Variants in TRAF3 observed in about 807,000 individuals in gnomAD.
TRAF3 encodes the protein TNF receptor-associated factor 3.
TRAF3 carries 13 observed loss-of-function variants against 62.3 expected under a neutral mutation model. That is an observed-to-expected ratio of 0.21 (90% CI 0.14 to 0.33). The LOEUF (loss-of-function observed/expected upper bound fraction) is 0.33, where lower values mean the gene tolerates loss of function less well. Ranked by LOEUF, TRAF3 falls within the 10% of genes least tolerant of loss-of-function variation. The pLI is 1.00. For missense variants in TRAF3, 440 were observed against 741.8 expected (o/e 0.59, Z 4.73); for synonymous variants, 269 against 283.4 (o/e 0.95, Z 0.51).
chr14:102,835,182 C>T (rs1483239945), intron 2 of TRAF3, among the ~76,000 whole-genome samples: 1 of 152,114 alleles, frequency 6.6e-6, no homozygotes, highest in Non-Finnish European at 1.5e-5. Context: ...TAGAGAAATG[C>T]AAATCAAAAC....
At chr14:102,804,220 A>G (rs951527383) in intron 1 of TRAF3, among the ~76,000 whole-genome samples, 2 of 152,026 alleles carry the variant, frequency 1.3e-5, no homozygotes, top group Non-Finnish European at 2.9e-5. Context: ...CAGAGGAGTC[A>G]TATGATTGAC....
intron 2 of TRAF3, among the ~76,000 whole-genome samples, chr14:102,857,111 A>G (rs7151954): frequency 0.29 from 44,387 of 152,100 alleles, 7,380 homozygotes; most frequent in African/African-American, 0.43. Context: ...AACCAAACTG[A>G]TACATCGGGT....
chr14:102,814,106 G>A (rs1163077191), intron 1 of TRAF3, among the ~76,000 whole-genome samples: 2 of 152,164 alleles, frequency 1.3e-5, no homozygotes, highest in African/African-American at 2.4e-5. Context: ...TGGAGGTCTA[G>A]TTTCTATTTT....
intron 6 of TRAF3, among the ~76,000 whole-genome samples, chr14:102,878,868 C>T (rs537795899): frequency 6.6e-6 from 1 of 151,902 alleles, no homozygotes; most frequent in South Asian, 2.1e-4. Flanking sequence ...GGCCCCGGGG[C>T]AAGGCCTGGT....
chr14:102,797,312 G>A (rs1275562083), intron 1 of TRAF3, among the ~76,000 whole-genome samples: 2 of 152,272 alleles, frequency 1.3e-5, no homozygotes, highest in South Asian at 2.1e-4. Flanking sequence ...TCTGAGAGGC[G>A]TCTTCATAGA....
intron 8 of TRAF3, among the ~76,000 whole-genome samples, chr14:102,890,581 A>G (rs561065926): frequency 1.3e-5 from 2 of 152,322 alleles, no homozygotes; most frequent in South Asian, 2.1e-4. Flanking sequence ...TGAATATTCT[A>G]TGTACAGAGT....
At chr14:102,853,906 A>G (rs1437241780) in intron 2 of TRAF3, among the ~76,000 whole-genome samples, 1 of 151,562 alleles carries the variant, frequency 6.6e-6, no homozygotes, top group East Asian at 1.9e-4. Context: ...TCATCACCCC[A>G]AAAAGAAACC....
At chr14:102,848,149 G>T (rs1251930842) in intron 2 of TRAF3, among the ~76,000 whole-genome samples, 1 of 152,190 alleles carries the variant, frequency 6.6e-6, no homozygotes, top group Non-Finnish European at 1.5e-5. Flanking sequence ...GAGTTTGAAA[G>T]AAAAGAAATT....
chr14:102,877,199 G>T (rs1402818416), intron 6 of TRAF3, among the ~76,000 whole-genome samples: 2 of 144,406 alleles, frequency 1.4e-5, no homozygotes, highest in Non-Finnish European at 3.0e-5. Flanking sequence ...CAGGCCTTCC[G>T]CTCAGCTCAT....
chr14:102,882,424 A>G (rs1039239979), intron 6 of TRAF3, among the ~76,000 whole-genome samples: 14 of 152,174 alleles, frequency 9.2e-5, no homozygotes, highest in Admixed American at 9.2e-4. Context: ...GGGTCCTGCC[A>G]GTGCATCTGC....
intron 1 of TRAF3, among the ~76,000 whole-genome samples, chr14:102,809,345 G>A (rs1898978270): frequency 6.6e-6 from 1 of 151,822 alleles, no homozygotes; most frequent in South Asian, 2.1e-4. Flanking sequence ...GGCCAGGCTG[G>A]TCTGAAACTC....
intron 2 of TRAF3, among the ~76,000 whole-genome samples, chr14:102,859,915 A>G (rs2139774848): frequency 6.6e-6 from 1 of 152,362 alleles, no homozygotes; most frequent in East Asian, 1.9e-4. Flanking sequence ...GGAAGGCAAG[A>G]CAGAGCCCCA....
intron 2 of TRAF3, among the ~76,000 whole-genome samples, chr14:102,850,802 A>C (rs1416491307): frequency 6.6e-6 from 1 of 151,156 alleles, no homozygotes; most frequent in African/African-American, 2.4e-5. Context: ...CATAGGTGCC[A>C]TTTTTTAGTC....
At chr14:102,790,869 T>G (rs925719850) in intron 1 of TRAF3, among the ~76,000 whole-genome samples, 2 of 152,278 alleles carry the variant, frequency 1.3e-5, no homozygotes, top group South Asian at 4.1e-4. Context: ...GTTGCAACTT[T>G]ATATGAATTT....
At chr14:102,804,568 G>A (rs1366034674) in intron 1 of TRAF3, among the ~76,000 whole-genome samples, 1 of 152,094 alleles carries the variant, frequency 6.6e-6, no homozygotes, top group Non-Finnish European at 1.5e-5. Context: ...GCTCACAGGA[G>A]CATCAACCTC....
At chr14:102,899,413 C>G (rs568020193) in intron 10 of TRAF3, among the ~76,000 whole-genome samples, 7 of 152,168 alleles carry the variant, frequency 4.6e-5, no homozygotes, top group Non-Finnish European at 8.8e-5. Flanking sequence ...TCCTCAGAGC[C>G]CTTCCTGTTG....
intron 2 of TRAF3, among the ~76,000 whole-genome samples, chr14:102,846,678 C>A (rs1329183519): frequency 1.4e-5 from 2 of 147,332 alleles, no homozygotes; most frequent in Non-Finnish European, 3.0e-5. Flanking sequence ...TTTCCGGACA[C>A]GGTGGCATCC....
intron 9 of TRAF3, 30 bp from the exon 10 acceptor site, chr14:102,897,231 G>T (rs1172582662): frequency 6.3e-7 from 1 of 1,594,472 alleles, no homozygotes; most frequent in Non-Finnish European, 8.6e-7. Flanking sequence ...ACCACTTTTG[G>T]TTACATTAAT....
intron 1 of TRAF3, among the ~76,000 whole-genome samples, chr14:102,784,919 CCTT>C: frequency 6.6e-6 from 1 of 152,088 alleles, no homozygotes; most frequent in Non-Finnish European, 1.5e-5. Flanking sequence ...CTGTGGCTGT[CCTT>C]CAGGGGAGAG....
Sources: gnomAD v4.1 joint callset for allele counts (sites outside exome capture counted in the v4.1 genomes callset) on GRCh38, gnomAD v4.1.1 for gene constraint, MANE v1.5 for transcripts, NCBI Gene and HGNC (gene_info 2026-07-23, HGNC 2026-07-21) for gene names.